Variants in ZMYM6 observed in about 807,000 individuals in gnomAD.
ZMYM6 encodes zinc finger MYM-type containing 6.
A neutral mutation model predicts 134.0 loss-of-function variants in ZMYM6; 90 were observed. That is an observed-to-expected ratio of 0.67 (90% confidence interval 0.57 to 0.80). ZMYM6 has a LOEUF of 0.80. ZMYM6 is among the 30% of genes least tolerant of loss of function. The pLI is 0.00. For synonymous variants in ZMYM6, 481 were observed against 524.1 expected (o/e 0.92, Z 1.12); for missense variants, 1,362 against 1,533.9 (o/e 0.89, Z 1.87).
At position 34,987,766 on chromosome 1, in the gene ZMYM6, CA is replaced by C; in HGVS notation, c.3315del (p.His1105GlnfsTer19). 1 of 1,551,492 alleles carries C rather than the reference CA, an allele frequency of 6.4e-7. No homozygotes were observed. The highest frequency in any genetic ancestry group is 8.7e-7 in the Non-Finnish European group (1 of 1,146,936). ...GCCAGCTTTCCAACCCATTCCTCATCATGAAAATACTTGGCCAAATCTGAAT... is the reference window on the plus strand; with the variant it reads ...GCCAGCTTTCCAACCCATTCCTCATCTGAAAATACTTGGCCAAATCTGAAT... Reference protein sequence around the residue: ...QKHSDLAKYFHDEEWVGKLAY... With the variant: ...QKHSDLAKYFXDEEWVGKLAY... On this transcript the variant is annotated frameshift_variant, in exon 16 of 16. Transcript: ENST00000357182. LOFTEE classifies it high-confidence loss of function.
chr1:35,007,380 G>A (rs1400234197), intron 11 of ZMYM6, among the ~76,000 whole-genome samples: 1 of 151,986 alleles, frequency 6.6e-6, no homozygotes, highest in African/African-American at 2.4e-5. Context: ...CATGAGGTCA[G>A]GAGTTCAAGA....
At chr1:34,991,229 CACATACACACAT>C (rs1557556672) in intron 15 of ZMYM6, among the ~76,000 whole-genome samples, 1 of 152,158 alleles carries the variant, frequency 6.6e-6, no homozygotes, top group Non-Finnish European at 1.5e-5. Context: ...CATACACACA[CACATACACACAT>C]ATAGATGCCC....
intron 15 of ZMYM6, among the ~76,000 whole-genome samples, chr1:34,991,371 G>A (rs1384155056): frequency 1.3e-5 from 2 of 152,134 alleles, no homozygotes; most frequent in Non-Finnish European, 2.9e-5. Context: ...ACAGGATTCT[G>A]CTTGACTTCT....
At chr1:35,017,255 C>T (rs946526905) in intron 4 of ZMYM6, 1 of 152,030 alleles carries the variant, frequency 6.6e-6, no homozygotes, top group African/African-American at 2.4e-5. Context: ...AAAATAACAA[C>T]AACAAAAATT....
intron 4 of ZMYM6, chr1:35,018,960 T>C (rs1427416017): frequency 4.1e-6 from 1 of 245,588 alleles, no homozygotes; most frequent in African/African-American, 2.2e-5. Context: ...TGTAGAGTTT[T>C]TACTTTTTAA....
chr1:35,029,120 A>C (rs1169361513), intron 2 of ZMYM6, among the ~76,000 whole-genome samples: 1 of 152,146 alleles, frequency 6.6e-6, no homozygotes, highest in Non-Finnish European at 1.5e-5. Context: ...TGAACCCGGG[A>C]TGTGAAAGTT....
At chr1:35,023,929 A>G (rs879022450) in intron 2 of ZMYM6, among the ~76,000 whole-genome samples, 1 of 152,144 alleles carries the variant, frequency 6.6e-6, no homozygotes, top group Admixed American at 6.6e-5. Context: ...GCCAGATTCA[A>G]TAAAAATTTC....
At chr1:35,009,709 T>C (rs1184414007) in intron 10 of ZMYM6, among the ~76,000 whole-genome samples, 1 of 151,602 alleles carries the variant, frequency 6.6e-6, no homozygotes, top group Non-Finnish European at 1.5e-5. Flanking sequence ...GAGGCAGGAG[T>C]ACCACCTGAG....
intron 14 of ZMYM6, among the ~76,000 whole-genome samples, chr1:35,002,577 C>T (rs963848139): frequency 2.0e-5 from 3 of 152,128 alleles, no homozygotes; most frequent in Non-Finnish European, 1.5e-5. Flanking sequence ...ATTCCATTAT[C>T]ATTGCCTGGT....
intron 2 of ZMYM6, 101 bp from the exon 3 acceptor site, chr1:35,020,568 C>CTTT (rs942213398): frequency 1.2e-3 from 290 of 241,212 alleles, no homozygotes; most frequent in South Asian, 3.0e-3. Context: ...TATTCATCTC[C>CTTT]TTTTTTTTTT....
intron 5 of ZMYM6, 37 bp from the exon 6 acceptor site, chr1:35,014,925 G>A (rs369411224): frequency 4.7e-5 from 75 of 1,608,472 alleles, no homozygotes; most frequent in Non-Finnish European, 6.2e-5. Flanking sequence ...CACAAAATAA[G>A]CAGAGCCAGT....
At chr1:34,995,873 C>A (rs914924168) in intron 14 of ZMYM6, among the ~76,000 whole-genome samples, 12 of 152,264 alleles carry the variant, frequency 7.9e-5, no homozygotes, top group African/African-American at 2.9e-4. Flanking sequence ...AGATTCAGAA[C>A]CTTGCTCTTG....
At chr1:35,015,723 C>CAAAAAAAA (rs1331400824) in intron 4 of ZMYM6, among the ~76,000 whole-genome samples, 19 of 51,186 alleles carry the variant, frequency 3.7e-4, no homozygotes, top group African/African-American at 2.2e-3. Context: ...GACTCCATCT[C>CAAAAAAAA]AAAAAAAAAA....
Position 34,987,689 on chromosome 1 carries a change from T to C in ZMYM6, c.3393A>G (p.Gln1131=). 2 of 1,551,422 alleles carry C rather than the reference T, an allele frequency of 1.3e-6. No individual in the cohort carries two copies. The highest frequency in any genetic ancestry group is 2.4e-5 in the South Asian group (2 of 83,828). ...SLINELNLSL[Q]GTLTTFFNLC... is the part of the protein sequence containing the mutation. ...AATTGAAGAAAGTAGTCAAAGTTCCTTGGAGACTTAAATTTAATTCATTTA... is the reference window on the plus strand; with the variant it reads ...AATTGAAGAAAGTAGTCAAAGTTCCCTGGAGACTTAAATTTAATTCATTTA... Residue 1131 remains glutamine, a synonymous_variant, in exon 16 of 16, where the codon CAA becomes CAG. Coordinates refer to ENST00000357182, the MANE Select transcript of ZMYM6 (RefSeq NM_007167.4).
intron 14 of ZMYM6, among the ~76,000 whole-genome samples, chr1:34,997,997 T>G (rs1355283416): frequency 6.6e-6 from 1 of 152,146 alleles, no homozygotes; most frequent in Non-Finnish European, 1.5e-5. Flanking sequence ...AATATATGTT[T>G]GGGCCAGGTG....
At chr1:35,030,949 C>G (rs1044897187) in intron 1 of ZMYM6, among the ~76,000 whole-genome samples, 10 of 152,188 alleles carry the variant, frequency 6.6e-5, no homozygotes, top group Admixed American at 2.0e-4. Context: ...ACAACACACT[C>G]TGGTTTTTTC....
At chr1:35,013,521 T>C in intron 6 of ZMYM6, 1 of 985,362 alleles carries the variant, frequency 1.0e-6, no homozygotes, top group Non-Finnish European at 1.2e-6. Flanking sequence ...TCTTTTCCTG[T>C]GAAAGTAGAA....
At chr1:35,031,624 G>A (rs879709454) in intron 1 of ZMYM6, 191 bp downstream of exon 1, 18 of 152,150 alleles carry the variant, frequency 1.2e-4, no homozygotes, top group African/African-American at 4.1e-4. Flanking sequence ...CATCATTGAG[G>A]ACTAACGAGG....
rs868190485 is a variant in ZMYM6, at chr1:34,994,586, A to C, written c.1993-2199T>G. Among the ~76,000 whole-genome samples, 30 of 152,302 alleles carry C rather than the reference A, an allele frequency of 2.0e-4. No homozygotes were observed. The Middle Eastern group carries it at 0.01, about 52-fold the overall frequency. On this transcript the variant is annotated intron_variant, in intron 14 of 15. Transcript: ENST00000357182. ...GATCTGGAAGGTCTCAGTCAAAAAC[A>C]AAATTAGGATTGTATTTTAAATGTG...
Sources: allele counts gnomAD v4.1 joint callset (sites outside exome capture counted in the v4.1 genomes callset), GRCh38; gene constraint gnomAD v4.1.1; transcripts MANE v1.5; gene names NCBI Gene and HGNC (gene_info 2026-07-23, HGNC 2026-07-21).